The following NXPE2 variants were observed in gnomAD, a reference collection of about 807,000 sequenced individuals.
NXPE2 encodes NXPE family member 2.
A neutral mutation model predicts 34.4 loss-of-function variants in NXPE2; 34 were observed. That is an observed-to-expected ratio of 0.99 (90% CI 0.75 to 1.31). The LOEUF is 1.31. Ranked by LOEUF, NXPE2 falls within the 40% of genes most tolerant of loss-of-function variation. The pLI, the probability that NXPE2 is intolerant of heterozygous loss-of-function variation, is 0.00. For synonymous variants in NXPE2, 235 were observed against 231.3 expected, an observed-to-expected ratio of 1.02 and a Z score of -0.15; for missense variants, 649 against 672.5, an observed-to-expected ratio of 0.97 and a Z score of 0.39.
the NXPE2 span, among the ~76,000 whole-genome samples, chr11:114,749,086 C>T: frequency 6.6e-6 from 1 of 152,160 alleles, no homozygotes. Flanking sequence ...TGCCTCAGCA[C>T]TGGAATCTAC....
At chr11:114,525,425 C>T in the NXPE2 span, among the ~76,000 whole-genome samples, 1 of 152,024 alleles carries the variant, frequency 6.6e-6, no homozygotes, top group East Asian at 1.9e-4. Flanking sequence ...CACTCTAAGA[C>T]CCAGGGAAGG....
intron 2 of NXPE2, among the ~76,000 whole-genome samples, chr11:114,681,619 C>T (rs1950951291): frequency 6.6e-6 from 1 of 152,136 alleles, no homozygotes; most frequent in South Asian, 2.1e-4. Flanking sequence ...CATCCCCACT[C>T]CCACCTCTTA....
chr11:114,674,023 G>C (rs562365686), upstream of NXPE2, among the ~76,000 whole-genome samples: 53 of 151,820 alleles, frequency 3.5e-4, no homozygotes, highest in African/African-American at 1.2e-3. Context: ...GATGATGATG[G>C]GATTAGTGGA....
intron 2 of NXPE2, among the ~76,000 whole-genome samples, chr11:114,697,165 T>G (rs1289223230): frequency 2.6e-5 from 4 of 152,158 alleles, no homozygotes; most frequent in African/African-American, 4.8e-5. Flanking sequence ...AGAAAAACAC[T>G]CTTTGATGAT....
the NXPE2 span, chr11:114,530,087 T>G: frequency 7.4e-7 from 1 of 1,358,040 alleles, no homozygotes; most frequent in Non-Finnish European, 1.0e-6. Flanking sequence ...GGCCTCTGAG[T>G]CATGCTCAAT....
the NXPE2 span, among the ~76,000 whole-genome samples, chr11:114,571,634 C>T: frequency 2.6e-5 from 4 of 152,158 alleles, no homozygotes; most frequent in African/African-American, 4.8e-5. Context: ...ATTATTTGAA[C>T]AGTCAAAAGT....
chr11:114,464,367 A>G, the NXPE2 span, among the ~76,000 whole-genome samples: 38,607 of 152,092 alleles, frequency 0.25, 5,032 homozygotes, highest in East Asian at 0.37. Context: ...AAGTTAGTTG[A>G]ATATGAAAAT....
the NXPE2 span, among the ~76,000 whole-genome samples, chr11:114,729,354 A>G: frequency 1.3e-5 from 2 of 152,138 alleles, no homozygotes; most frequent in Non-Finnish European, 2.9e-5. Context: ...TATTGTGAAT[A>G]GTACTGTGAT....
chr11:114,771,890 A>T, the NXPE2 span, among the ~76,000 whole-genome samples: 4 of 152,256 alleles, frequency 2.6e-5, no homozygotes, highest in Non-Finnish European at 5.9e-5. Context: ...GATCTAATTA[A>T]ATCCCTCCAA....
At chr11:114,502,113 CCTAA>C in the NXPE2 span, among the ~76,000 whole-genome samples, 1 of 152,154 alleles carries the variant, frequency 6.6e-6, no homozygotes, top group African/African-American at 2.4e-5. Flanking sequence ...TAGCACTCCT[CCTAA>C]CTGTGACACA....
chr11:114,705,872 T>C lies in NXPE2; in HGVS notation c.1020T>C (p.Phe340=), dbSNP rs1264281514. 1 of 1,544,976 alleles carries C rather than the reference T, an allele frequency of 6.5e-7. No homozygotes were observed. The highest frequency in any genetic ancestry group is 8.7e-7 in the Non-Finnish European group (1 of 1,143,934). Residue 340 remains phenylalanine (F), a synonymous_variant, in exon 5 of 6, where the codon TTT becomes TTC. Coordinates refer to ENST00000389586, the MANE Select transcript of NXPE2 (RefSeq NM_182495.6). ...YTLKKMWITA[F]CKQIKFNETK... Reference sequence around the variant, plus strand: ...TGAAAAAAATGTGGATTACAGCATTTTGTAAACAGATCAAGTTCAATGAAA... The same window carrying C: ...TGAAAAAAATGTGGATTACAGCATTCTGTAAACAGATCAAGTTCAATGAAA...
the NXPE2 span, among the ~76,000 whole-genome samples, chr11:114,793,528 C>T: frequency 6.6e-6 from 1 of 152,126 alleles, no homozygotes; most frequent in Non-Finnish European, 1.5e-5. Context: ...TGTCTGGAGC[C>T]ATCAGGGAAG....
intron 2 of NXPE2, among the ~76,000 whole-genome samples, chr11:114,688,419 C>T (rs1370357978): frequency 6.6e-6 from 1 of 152,076 alleles, no homozygotes; most frequent in Non-Finnish European, 1.5e-5. Flanking sequence ...ACCATCCTTG[C>T]ATCCCTGGAA....
chr11:114,710,871 G>A (rs1488540697), downstream of NXPE2, among the ~76,000 whole-genome samples: 1 of 151,930 alleles, frequency 6.6e-6, no homozygotes, highest in African/African-American at 2.4e-5. Flanking sequence ...AAATTCAATA[G>A]CTCATTAAAA....
chr11:114,502,063 G>A, the NXPE2 span, among the ~76,000 whole-genome samples: 3 of 152,110 alleles, frequency 2.0e-5, no homozygotes, highest in Non-Finnish European at 4.4e-5. Flanking sequence ...ATTGTAACAC[G>A]TTTAGCAGCA....
chr11:114,638,749 G>A, the NXPE2 span, among the ~76,000 whole-genome samples: 1 of 151,992 alleles, frequency 6.6e-6, no homozygotes, highest in Non-Finnish European at 1.5e-5. Context: ...TGTTTGCCTG[G>A]GTAACAGCAG....
chr11:114,533,972 T>C, the NXPE2 span, among the ~76,000 whole-genome samples: 2 of 152,230 alleles, frequency 1.3e-5, no homozygotes, highest in Admixed American at 6.5e-5. Context: ...GATCTGAGAA[T>C]GGGCAGACTG....
the NXPE2 span, among the ~76,000 whole-genome samples, chr11:114,650,564 AG>A: frequency 6.6e-6 from 1 of 151,622 alleles, no homozygotes; most frequent in African/African-American, 2.4e-5. Context: ...CTCCTTCCCC[AG>A]GAAGTGAGAA....
At chr11:114,530,154 A>G in the NXPE2 span, 3 of 1,570,490 alleles carry the variant, frequency 1.9e-6, no homozygotes, top group Non-Finnish European at 2.6e-6. Context: ...ACTTCTCAGT[A>G]TACATGAAAA....
Sources: allele counts gnomAD v4.1 joint callset (sites outside exome capture counted in the v4.1 genomes callset), GRCh38; gene constraint gnomAD v4.1.1; transcripts MANE v1.5; gene names NCBI Gene and HGNC (gene_info 2026-07-23, HGNC 2026-07-21).